SCAPER: variants seen among roughly 807,000 people sequenced by gnomAD.
SCAPER encodes the protein S phase cyclin A-associated protein in the endoplasmic reticulum.
Under a neutral mutation model 182.2 loss-of-function variants are expected in SCAPER, and 98 were observed. The ratio of observed to expected loss-of-function variants is 0.54; its 90% CI spans 0.46 to 0.64. The LOEUF (loss-of-function observed/expected upper bound fraction) is 0.64, where lower values mean the gene tolerates loss of function less well. Among genes scored for constraint, SCAPER ranks in the 30% least tolerant of loss-of-function variants. The probability of loss-of-function intolerance (pLI) is 0.00; values close to 1 mark genes in which losing one functional copy is unlikely to be tolerated. For synonymous variants in SCAPER, 605 were observed against 564.6 expected (o/e 1.07, Z -1.01); for missense variants, 1,432 against 1,690.0 (o/e 0.85, Z 2.68).
chr15:76,746,544 A>C (rs1312154812), intron 15 of SCAPER, among the ~76,000 whole-genome samples: 1 of 152,256 alleles, frequency 6.6e-6, no homozygotes, highest in Non-Finnish European at 1.5e-5. Flanking sequence ...CAAGAAAAAG[A>C]AATCAAAGAC....
At chr15:76,373,895 T>A (rs975358302) in intron 29 of SCAPER, among the ~76,000 whole-genome samples, 3 of 151,050 alleles carry the variant, frequency 2.0e-5, no homozygotes, top group Non-Finnish European at 2.9e-5. Context: ...GGGCCTGCCT[T>A]ATTTTTTTTT....
chr15:76,702,972 G>A lies in SCAPER; in HGVS notation c.2278C>T (p.Gln760Ter). 6.3e-7 allele frequency: 1 copy of A among 1,593,332 alleles called. No individual in the cohort carries two copies. The highest frequency in any genetic ancestry group is 8.5e-7 in the Non-Finnish European group (1 of 1,173,212). The change falls in exon 19 of 32, where the codon CAG (glutamine) becomes TAG (stop). Residue 760 changes from glutamine to a stop codon, truncating the protein, a stop_gained. Coordinates refer to ENST00000563290, the MANE Select transcript of SCAPER (RefSeq NM_020843.4). LOFTEE classifies it high-confidence loss of function. ...GCTTTTTCTTTTCTTTGTTCAATCTGTTCCATGTGCCTTCGAATACTTTCA... is the reference window on the plus strand; with the variant it reads ...GCTTTTTCTTTTCTTTGTTCAATCTATTCCATGTGCCTTCGAATACTTTCA... ...HDESIRRHME[Q>*]IEQRKEKAAE...
At chr15:76,710,574 G>T (rs1326711131) in intron 17 of SCAPER, among the ~76,000 whole-genome samples, 1 of 151,988 alleles carries the variant, frequency 6.6e-6, no homozygotes, top group Non-Finnish European at 1.5e-5. Flanking sequence ...ATTTTAAAAA[G>T]AACTGCAAGA....
intron 22 of SCAPER, among the ~76,000 whole-genome samples, chr15:76,614,017 C>A (rs2051228909): frequency 1.3e-5 from 2 of 152,050 alleles, no homozygotes; most frequent in South Asian, 4.2e-4. Flanking sequence ...AAATGATAGA[C>A]TGGATAAAGA....
At chr15:76,648,044 T>C (rs1278158214) in intron 21 of SCAPER, among the ~76,000 whole-genome samples, 2 of 151,664 alleles carry the variant, frequency 1.3e-5, no homozygotes, top group Admixed American at 6.6e-5. Flanking sequence ...CTGTCCAATA[T>C]ATGAAAAAAA....
intron 5 of SCAPER, among the ~76,000 whole-genome samples, chr15:76,835,896 A>G (rs2068902227): frequency 6.6e-6 from 1 of 151,258 alleles, no homozygotes. Flanking sequence ...TCAACCTGAG[A>G]ACCAAATCAA....
At chr15:76,635,981 C>T (rs1443110) in intron 21 of SCAPER, among the ~76,000 whole-genome samples, 124,153 of 152,134 alleles carry the variant, frequency 0.82, 51,448 homozygotes, top group Middle Eastern at 0.91. Context: ...GAATACTGCA[C>T]CTATATTCAT....
chr15:76,905,259 G>C, intron 1 of SCAPER, 40 bp downstream of exon 1: 1 of 208,794 alleles, frequency 4.8e-6, no homozygotes, highest in East Asian at 1.8e-4. Flanking sequence ...ACCCGGACCC[G>C]CCCGGGTCTG....
At chr15:76,576,439 A>G (rs2047825972) in intron 22 of SCAPER, among the ~76,000 whole-genome samples, 2 of 152,180 alleles carry the variant, frequency 1.3e-5, no homozygotes, top group Non-Finnish European at 2.9e-5. Flanking sequence ...TCTCAACAAC[A>G]CTGTCAATAA....
intron 25 of SCAPER, among the ~76,000 whole-genome samples, chr15:76,463,165 A>G (rs403656): frequency 0.21 from 31,996 of 152,102 alleles, 4,226 homozygotes; most frequent in African/African-American, 0.38. Flanking sequence ...CTGAGCAAGT[A>G]CCGTACTATA....
At chr15:76,767,159 T>A (rs1233097586) in intron 10 of SCAPER, 71 bp from the exon 11 acceptor site, 30 of 1,359,056 alleles carry the variant, frequency 2.2e-5, no homozygotes, top group Non-Finnish European at 2.9e-5. Flanking sequence ...TTTTTTATGT[T>A]CTAACATGAA....
At chr15:76,382,006 A>T (rs2042975003) in intron 27 of SCAPER, among the ~76,000 whole-genome samples, 1 of 152,202 alleles carries the variant, frequency 6.6e-6, no homozygotes, top group African/African-American at 2.4e-5. Context: ...TGGATATATA[A>T]AGGCACTCTT....
chr15:76,793,180 T>C (rs1327486992), intron 8 of SCAPER: 2 of 1,065,466 alleles, frequency 1.9e-6, no homozygotes, highest in Non-Finnish European at 2.7e-6. Context: ...ACACAAAAAT[T>C]ACAAACTTCA....
At chr15:76,708,211 A>G (rs1326478566) in intron 17 of SCAPER, among the ~76,000 whole-genome samples, 1 of 152,178 alleles carries the variant, frequency 6.6e-6, no homozygotes, top group African/African-American at 2.4e-5. Context: ...TGAATGTTAT[A>G]CAAGTAGTTG....
chr15:76,563,315 ATAGT>A lies in SCAPER; in HGVS notation c.2838+10839_2838+10842del, dbSNP rs1277398235. Among the ~76,000 whole-genome samples, 9 of 152,304 alleles carry A rather than the reference ATAGT, an allele frequency of 5.9e-5. 1 individual carries two copies. The highest frequency in any genetic ancestry group is 2.2e-4 in the African/African-American group (9 of 41,578). On this transcript the variant is annotated intron_variant, in intron 23 of 31. Coordinates refer to ENST00000563290, the MANE Select transcript of SCAPER (RefSeq NM_020843.4). Reference sequence around the variant, plus strand: ...AGATACATTTTTAAATAGTCCAAAAATAGTTAGTTTACATAATAATAGAAAATAC... The same window carrying A: ...AGATACATTTTTAAATAGTCCAAAAATAGTTTACATAATAATAGAAAATAC...
intron 24 of SCAPER, among the ~76,000 whole-genome samples, chr15:76,501,182 A>G (rs779106676): frequency 7.2e-5 from 11 of 152,110 alleles, no homozygotes; most frequent in African/African-American, 1.4e-4. Flanking sequence ...TGATTTTGTA[A>G]TAACACATCC....
intron 22 of SCAPER, among the ~76,000 whole-genome samples, chr15:76,617,634 G>A (rs2468120): frequency 0.13 from 20,430 of 152,126 alleles, 1,413 homozygotes; most frequent in African/African-American, 0.17. Context: ...CACTCACAAG[G>A]AGGCTGACCC....
intron 29 of SCAPER, among the ~76,000 whole-genome samples, chr15:76,368,881 A>G (rs149807047): frequency 6.6e-6 from 1 of 152,366 alleles, no homozygotes; most frequent in Non-Finnish European, 1.5e-5. Context: ...CAAAATGTAA[A>G]TAAAGTGAGG....
chr15:76,860,868 C>T (rs2221866), intron 3 of SCAPER, among the ~76,000 whole-genome samples: 10,168 of 151,928 alleles, frequency 0.067, 375 homozygotes, highest in Middle Eastern at 0.095. Flanking sequence ...AAGATGTTCT[C>T]AAAGAATGGA....
Sources: gnomAD v4.1 joint callset for allele counts (sites outside exome capture counted in the v4.1 genomes callset) on GRCh38, gnomAD v4.1.1 for gene constraint, MANE v1.5 for transcripts, NCBI Gene and HGNC (gene_info 2026-07-23, HGNC 2026-07-21) for gene names.